ANK1: variants seen among roughly 807,000 people sequenced by gnomAD.
The protein encoded by ANK1 is ankyrin 1, also known as ankyrin-1.
ANK1 carries 51 observed loss-of-function variants against 210.4 expected under a neutral mutation model. The ratio of observed to expected loss-of-function variants is 0.24; its 90% CI spans 0.19 to 0.31. The LOEUF is 0.31. Ranked by LOEUF, ANK1 falls within the 10% of genes least tolerant of loss-of-function variation. The pLI is 1.00. For synonymous variants in ANK1, 967 were observed against 1,025.9 expected (o/e 0.94, Z 1.10); for missense variants, 2,051 against 2,504.4 (o/e 0.82, Z 3.86).
chr8:41,684,565 G>A lies in ANK1; in HGVS notation c.4516C>T (p.Leu1506=), dbSNP rs1216859326. 4 of 1,613,824 alleles carry A rather than the reference G, an allele frequency of 2.5e-6. No individual in the cohort carries two copies. In the Admixed American group the frequency reaches 5.0e-5, roughly 20 times the overall value. Residue 1506 remains leucine, a synonymous_variant, in exon 37 of 43, where the codon CTG becomes TTG. Coordinates refer to ENST00000289734, the MANE Select transcript of ANK1 (RefSeq NM_000037.4). The part of the protein sequence containing the change: ...DRRHTDRDYS[L]SPSQMNGYSS... Reference sequence around the variant, plus strand: ...TCACCATTCATCTGGGAGGGTGACAGCGAGTAGTCGCGGTCGGTGTGCCGC... The same window carrying A: ...TCACCATTCATCTGGGAGGGTGACAACGAGTAGTCGCGGTCGGTGTGCCGC...
chr8:41,862,007 T>C (rs984995443), intron 1 of ANK1, among the ~76,000 whole-genome samples: 3 of 152,192 alleles, frequency 2.0e-5, no homozygotes, highest in Admixed American at 2.0e-4. Flanking sequence ...ATATGCCAAA[T>C]TTTACAAATA....
In ANK1 at chr8:41,877,970, G is replaced by T. The variant is rs146248618; in HGVS notation, c.126+18385C>A. Among the ~76,000 whole-genome samples the T allele has an allele frequency of 1.3e-5, 2 of 152,154 alleles. 1 individual carries two copies. The highest frequency in any genetic ancestry group is 4.1e-4 in the South Asian group (2 of 4,820). The stretch of plus-strand genomic sequence containing the variant: ...AGGAGGTTGGGACCTGGGCAGGAAC[G>T]CTGGGCACACAGCCTAGCGCCCAGC... On this transcript the variant is annotated intron_variant, in intron 1 of 42. Coordinates refer to the ANK1 transcript ENST00000265709.
intron 1 of ANK1, among the ~76,000 whole-genome samples, chr8:41,882,110 A>G (rs1347361210): frequency 6.6e-6 from 1 of 152,106 alleles, no homozygotes; most frequent in Non-Finnish European, 1.5e-5. Context: ...GTGGTGTGAA[A>G]TGCACTTAAT....
intron 1 of ANK1, among the ~76,000 whole-genome samples, chr8:41,840,522 C>T (rs890961254): frequency 1.3e-5 from 2 of 152,198 alleles, no homozygotes; most frequent in Non-Finnish European, 2.9e-5. Flanking sequence ...GGGGGATGGA[C>T]GTCAGAGGTC....
At chr8:41,734,143 G>T in intron 2 of ANK1, 74 bp from the exon 3 acceptor site, 1 of 1,304,562 alleles carries the variant, frequency 7.7e-7, no homozygotes. Flanking sequence ...TGGGGGCCCA[G>T]GCCCCTTCCC....
rs766671203 is a variant in ANK1, at chr8:41,704,476, A to C, written c.2098-4T>G. 3 of 1,612,104 alleles carry C rather than the reference A, an allele frequency of 1.9e-6. No homozygotes were observed. Among genetic ancestry groups the C allele is most frequent in the Non-Finnish European group, 2.5e-6 (3 of 1,178,132 alleles). Reference sequence around the variant, plus strand: ...CATGGAGGGGAGTGTAGCCCATCTGAAAAGCAGATGAGAAGGAGTGACCGG... The same window carrying C: ...CATGGAGGGGAGTGTAGCCCATCTGCAAAGCAGATGAGAAGGAGTGACCGG... On this transcript the variant is annotated splice_region_variant and splice_polypyrimidine_tract_variant and intron_variant, in intron 18 of 42. Transcript: ENST00000289734. This position sits in a 1 kb window ranked among gnomAD's most constrained non-coding sequence, Gnocchi z 4.1.
chr8:41,836,924 GAAAAAAA>G (rs869199711), intron 1 of ANK1, among the ~76,000 whole-genome samples: 1 of 120,072 alleles, frequency 8.3e-6, no homozygotes, highest in African/African-American at 2.9e-5. Context: ...TATCTCTGGG[GAAAAAAA>G]AAAAAAAAAC....
At chr8:41,818,193 C>T (rs1803640261) in intron 1 of ANK1, among the ~76,000 whole-genome samples, 1 of 152,166 alleles carries the variant, frequency 6.6e-6, no homozygotes, top group Admixed American at 6.5e-5. Flanking sequence ...AATTCAAACC[C>T]ATTCCTACAA....
chr8:41,771,156 C>T (rs1333267425), intron 1 of ANK1, among the ~76,000 whole-genome samples: 1 of 152,158 alleles, frequency 6.6e-6, no homozygotes, highest in African/African-American at 2.4e-5. Flanking sequence ...GATTTAGATT[C>T]CACAGAAAGA....
chr8:41,678,805 C>T (rs1265677278), intron 37 of ANK1, among the ~76,000 whole-genome samples: 2 of 152,136 alleles, frequency 1.3e-5, no homozygotes, highest in African/African-American at 2.4e-5. Flanking sequence ...TGTTTTGAGA[C>T]AGAGTCTCGC....
chr8:41,763,889 C>G (rs13265364), intron 1 of ANK1, among the ~76,000 whole-genome samples: 1 of 57,808 alleles, frequency 1.7e-5, no homozygotes, highest in Non-Finnish European at 3.0e-5. Context: ...TTCTTTTTTT[C>G]TTTTTTTTTT....
chr8:41,672,621 G>C lies in ANK1; in HGVS notation c.4829C>G (p.Pro1610Arg). The change falls in exon 38 of 43, where the codon CCG (proline) becomes CGG (arginine). Residue 1610 changes from proline to arginine, a missense_variant. Pro to Arg is a moderately radical substitution (Grantham distance 103). Coordinates refer to ENST00000289734, the MANE Select transcript of ANK1 (RefSeq NM_000037.4). ...CAGAGAGCCCAACTCGGGGCCCCGC[G>C]GTTCCTCTGAGAGTGCCCCCTCCAA... ...WKLEGALSEE[P>R]RGPELGSLEL... The C allele has an allele frequency of 6.2e-7, 1 of 1,614,180 alleles. No individual in the cohort carries two copies.
intron 26 of ANK1, 122 bp downstream of exon 26, chr8:41,696,241 C>G (rs532660174): frequency 8.9e-7 from 1 of 1,124,104 alleles, no homozygotes; most frequent in African/African-American, 1.5e-5. Context: ...CTTCGTGTGT[C>G]AGGAAAAGTC....
intron 1 of ANK1, among the ~76,000 whole-genome samples, chr8:41,868,489 T>G (rs1814893760): frequency 6.6e-6 from 1 of 152,234 alleles, no homozygotes; most frequent in South Asian, 2.1e-4. Context: ...CTTTTAAAAG[T>G]CCAAGGCCTA....
In ANK1 at chr8:41,668,489, C is replaced by G. The variant is rs750530498; in HGVS notation, c.5172G>C (p.Glu1724Asp). 24 of 1,614,084 alleles carry G rather than the reference C, an allele frequency of 1.5e-5. No individual in the cohort carries two copies. The highest frequency in any genetic ancestry group is 1.9e-5 in the Non-Finnish European group (23 of 1,180,052). Residue 1724 changes from glutamate (E) to aspartate (D), a missense_variant, in exon 39 of 43, where the codon GAG (glutamate) becomes GAC (aspartate). Glu to Asp is a conservative substitution (Grantham distance 45). Coordinates refer to ENST00000289734, the MANE Select transcript of ANK1 (RefSeq NM_000037.4). ...QDAAQGSWQE[E>D]VTQGPHSFQG... ...GGAATGAGTGTGGACCTTGCGTGACCTCCTCTTGCCAGGAACCTTGTGCAG... is the reference window on the plus strand; with the variant it reads ...GGAATGAGTGTGGACCTTGCGTGACGTCCTCTTGCCAGGAACCTTGTGCAG...
rs746730178 is a variant in ANK1, at chr8:41,696,824, G to A, written c.2638-51C>T. On this transcript the variant is annotated intron_variant, in intron 24 of 42. Transcript: ENST00000289734. Reference sequence around the variant, plus strand: ...GTCCCACCTCCTCCCGGGCCAGCTGGATGCCGTGCCAGGGCGTGGAGGCTT... The same window carrying A: ...GTCCCACCTCCTCCCGGGCCAGCTGAATGCCGTGCCAGGGCGTGGAGGCTT... 2.7e-5 allele frequency: 41 copies of A among 1,533,954 alleles called. 1 individual carries two copies. The highest frequency in any genetic ancestry group is 2.6e-4 in the South Asian group (23 of 87,804).
At chr8:41,777,822 A>G (rs536193543) in intron 1 of ANK1, among the ~76,000 whole-genome samples, 1 of 152,322 alleles carries the variant, frequency 6.6e-6, no homozygotes, top group East Asian at 1.9e-4. Context: ...CATTAGAGAA[A>G]GAATGAAAAA....
At chr8:41,660,526 T>G (rs1429019591) in intron 42 of ANK1, 1 of 467,204 alleles carries the variant, frequency 2.1e-6, no homozygotes, top group East Asian at 7.0e-5. Flanking sequence ...AGGATGGAGA[T>G]CAGAGCCGGC....
Position 41,856,466 on chromosome 8 carries a change from GTTC to G in ANK1, c.126+39886_126+39888del, listed in dbSNP as rs1362734080. Among the ~76,000 whole-genome samples the G allele has an allele frequency of 2.0e-5, 3 of 152,292 alleles. No homozygotes were observed. The East Asian group carries it at 5.8e-4, about 29-fold the overall frequency. ...TAGGAAAACCTGGATTCGAATCCCA[GTTC>G]TTCATTTAACAGCTGTTTCTTTAAC... On this transcript the variant is annotated intron_variant, in intron 1 of 42. Coordinates refer to the ANK1 transcript ENST00000265709.
Sources: allele counts gnomAD v4.1 joint callset (sites outside exome capture counted in the v4.1 genomes callset), GRCh38; gene constraint gnomAD v4.1.1; non-coding constraint Gnocchi (gnomAD v3.1); transcripts MANE v1.5; gene names NCBI Gene and HGNC (gene_info 2026-07-23, HGNC 2026-07-21).